SV2B: variants seen among roughly 807,000 people sequenced by gnomAD.
The protein encoded by SV2B is solute carrier family 22 member B2.
In SV2B, 41 loss-of-function variants were observed where a neutral mutation model predicts 73.9. The ratio of observed to expected loss-of-function variants is 0.56; its 90% confidence interval spans 0.43 to 0.72. The LOEUF is 0.72. SV2B is among the 30% of genes least tolerant of loss of function. The pLI is 0.00. For missense variants in SV2B, 764 were observed against 857.8 expected, an observed-to-expected ratio of 0.89 and a Z score of 1.37; for synonymous variants, 314 against 314.2, an observed-to-expected ratio of 1.00 and a Z score of 0.01.
At chr15:91,215,100 C>T (rs1232502409) in intron 1 of SV2B, among the ~76,000 whole-genome samples, 3 of 152,170 alleles carry the variant, frequency 2.0e-5, no homozygotes, top group East Asian at 1.9e-4. Flanking sequence ...CACATTCCTT[C>T]GTCCAGGAGT....
chr15:91,103,965 G>A (rs1184610297), intron 1 of SV2B, among the ~76,000 whole-genome samples: 2 of 152,150 alleles, frequency 1.3e-5, no homozygotes, highest in African/African-American at 4.8e-5. Flanking sequence ...GGCTTGGCTG[G>A]TGGGTCTTCT....
At position 91,163,050 on chromosome 15, in the gene SV2B, G is replaced by A. The variant is rs141530452; in HGVS notation, c.-392+62687G>A. ...GTCCTTGCAATAATTTGCTCAGAAT[G>A]ATGGTTTCCAGCTTCATCCGTGTCC... On this transcript the variant is annotated intron_variant, in intron 1 of 12. Coordinates refer to ENST00000394232, the MANE Select transcript of SV2B (RefSeq NM_001323032.3). 1.0e-2 allele frequency among the ~76,000 whole-genome samples: 1,515 copies of A among 152,252 alleles called. 23 individuals are homozygous for A. The highest frequency in any genetic ancestry group is 0.033 in the African/African-American group (1,376 of 41,528).
Position 91,284,781 on chromosome 15 carries a change from A to T in SV2B, c.1708+560A>T, listed in dbSNP as rs1019516815. Among the ~76,000 whole-genome samples, 9 of 152,322 alleles carry T rather than the reference A, an allele frequency of 5.9e-5. No homozygotes were observed. Among genetic ancestry groups the T allele is most frequent in the African/African-American group, 2.2e-4 (9 of 41,578 alleles). ...CATCCAGCTGGTAGGGTTTTGTGAG[A>T]ATTGAACATAAGGTACCTGTAACAC... On this transcript the variant is annotated intron_variant, in intron 11 of 12. Transcript: ENST00000394232. This position sits in a 1 kb window ranked among gnomAD's most constrained non-coding sequence, Gnocchi z 4.5.
intron 9 of SV2B, among the ~76,000 whole-genome samples, chr15:91,269,063 C>A (rs1388538245): frequency 6.6e-6 from 1 of 151,226 alleles, no homozygotes; most frequent in African/African-American, 2.4e-5. Context: ...TCCTTTGGAG[C>A]GTTGATCAGT....
chr15:91,150,809 G>A (rs916009249), intron 1 of SV2B, among the ~76,000 whole-genome samples: 1 of 152,228 alleles, frequency 6.6e-6, no homozygotes, highest in African/African-American at 2.4e-5. Flanking sequence ...TGGGTGCAGA[G>A]GAGCTTGTAG....
intron 2 of SV2B, among the ~76,000 whole-genome samples, chr15:91,230,193 A>T (rs957319043): frequency 3.3e-5 from 5 of 151,484 alleles, no homozygotes; most frequent in Non-Finnish European, 7.4e-5. Context: ...GTGAGCTATC[A>T]TTGTGCCACT....
At chr15:91,125,335 T>G (rs2042445679) in intron 1 of SV2B, among the ~76,000 whole-genome samples, 1 of 152,184 alleles carries the variant, frequency 6.6e-6, no homozygotes, top group Non-Finnish European at 1.5e-5. Context: ...TGAGTTTCTG[T>G]TCTGTGCCGG....
intron 2 of SV2B, 71 bp downstream of exon 2, chr15:91,226,785 C>T (rs1013775354): frequency 6.6e-7 from 1 of 1,506,688 alleles, no homozygotes. Flanking sequence ...GTATCTGTCA[C>T]TATTAGGCAC....
rs1400069438 is a variant in SV2B at position 91,268,490 on chromosome 15, G to A, written c.1258G>A (p.Asp420Asn). The change falls in exon 9 of 13, where the codon GAT becomes AAT. Residue 420 changes from aspartate (D) to asparagine (N), a missense_variant. Physicochemically the swap from Asp to Asn is conservative, Grantham distance 23. Transcript: ENST00000394232. The surrounding 1 kb of genome is among the most constrained non-coding windows in gnomAD (Gnocchi z 4.4). ...TCCTGATATGATCCGCTATTTTCAA[G>A]ATGAAGAATACAAGTCTAAAATGAA... ...WFPDMIRYFQ[D>N]EEYKSKMKVF... The A allele has an allele frequency of 3.1e-6, 5 of 1,614,124 alleles. No individual in the cohort carries two copies. The highest frequency in any genetic ancestry group is 4.2e-6 in the Non-Finnish European group (5 of 1,179,964).
intron 9 of SV2B, among the ~76,000 whole-genome samples, chr15:91,279,388 A>G (rs958038855): frequency 6.6e-6 from 1 of 152,234 alleles, no homozygotes; most frequent in Non-Finnish European, 1.5e-5. Context: ...TTTGTCATGG[A>G]CCTTGGATTG....
chr15:91,221,904 G>A (rs1216534204), intron 1 of SV2B, among the ~76,000 whole-genome samples: 1 of 152,092 alleles, frequency 6.6e-6, no homozygotes, highest in Non-Finnish European at 1.5e-5. Context: ...CAAACCCTGA[G>A]CAGGGTATTC....
At chr15:91,247,543 C>T (rs2047285741) in intron 2 of SV2B, among the ~76,000 whole-genome samples, 1 of 152,158 alleles carries the variant, frequency 6.6e-6, no homozygotes, top group Non-Finnish European at 1.5e-5. Flanking sequence ...ATGATTATAA[C>T]TTAGAATCTT....
rs2042856479 is a variant in SV2B at position 91,137,198 on chromosome 15, G to A, written c.-392+36835G>A. Among the ~76,000 whole-genome samples the A allele has an allele frequency of 6.6e-6, 1 of 151,994 alleles. No homozygotes were observed. The highest frequency in any genetic ancestry group is 2.4e-5 in the African/African-American group (1 of 41,360). ...CATGGTTGTATAAATTCTTTAAATG[G>A]TTTTATTAAAAACTTAAATACGTCA... On this transcript the variant is annotated intron_variant, in intron 1 of 12. Coordinates refer to ENST00000394232, the MANE Select transcript of SV2B (RefSeq NM_001323032.3). This position sits in a 1 kb window ranked among gnomAD's most constrained non-coding sequence, Gnocchi z 4.9.
At position 91,229,082 on chromosome 15, in the gene SV2B, G is replaced by A. The variant is rs1463291087; in HGVS notation, c.451+2368G>A. Among the ~76,000 whole-genome samples, 3 of 152,184 alleles carry A rather than the reference G, an allele frequency of 2.0e-5. No individual in the cohort carries two copies. The highest frequency in any genetic ancestry group is 6.5e-5 in the Admixed American group (1 of 15,280). On this transcript the variant is annotated intron_variant, in intron 2 of 12. Coordinates refer to ENST00000394232, the MANE Select transcript of SV2B (RefSeq NM_001323032.3). This position sits in a 1 kb window ranked among gnomAD's most constrained non-coding sequence, Gnocchi z 4.3. ...CCACACCATACTGCCTTTCTCTCAC[G>A]CCTCGTTTGTGGGAAGGAGGTCATG...
rs1004479209 is a variant in SV2B at position 91,294,453 on chromosome 15, A to T, written c.*1901A>T. Reference sequence around the variant, plus strand: ...CTGACTGGACACCCTGATTCCTCCAAATATATATACCACTGTGTATTAATC... The same window carrying T: ...CTGACTGGACACCCTGATTCCTCCATATATATATACCACTGTGTATTAATC... On this transcript the variant is annotated 3_prime_UTR_variant, in exon 13 of 13. Transcript: ENST00000394232. The surrounding 1 kb of genome is among the most constrained non-coding windows in gnomAD (Gnocchi z 4.1). 6 of 152,094 alleles carry T rather than the reference A, an allele frequency of 3.9e-5. No homozygotes were observed. Among genetic ancestry groups the T allele is most frequent in the African/African-American group, 1.5e-4 (6 of 41,376 alleles). The allele number at this position is 152,094 out of a possible 1,614,324, so 9.4% of individuals were successfully genotyped here.
chr15:91,111,997 C>T (rs1596415441), intron 1 of SV2B, among the ~76,000 whole-genome samples: 1 of 152,254 alleles, frequency 6.6e-6, no homozygotes, highest in East Asian at 1.9e-4. Context: ...ATCCTATTAC[C>T]TTCCACCAGG....
chr15:91,201,312 G>A (rs60591252), intron 1 of SV2B, among the ~76,000 whole-genome samples: 13,946 of 152,200 alleles, frequency 0.092, 985 homozygotes, highest in African/African-American at 0.19. Context: ...TTGCATGGGA[G>A]CCACTGTTCT....
intron 1 of SV2B, among the ~76,000 whole-genome samples, chr15:91,213,078 G>T (rs1175547263): frequency 6.6e-6 from 1 of 152,118 alleles, no homozygotes; most frequent in Non-Finnish European, 1.5e-5. Context: ...ACTTGAACCT[G>T]GGAGGTGGAG....
At chr15:91,185,895 A>G (rs962302505) in intron 1 of SV2B, among the ~76,000 whole-genome samples, 25 of 152,156 alleles carry the variant, frequency 1.6e-4, no homozygotes, top group African/African-American at 6.0e-4. Context: ...CCACTCCATG[A>G]GGCTAACACT....
Sources: allele counts gnomAD v4.1 joint callset (sites outside exome capture counted in the v4.1 genomes callset), GRCh38; gene constraint gnomAD v4.1.1; non-coding constraint Gnocchi (gnomAD v3.1); transcripts MANE v1.5; gene names NCBI Gene and HGNC (gene_info 2026-07-23, HGNC 2026-07-21).